Variants in SLC35A3 observed in about 807,000 individuals in gnomAD.
SLC35A3 encodes solute carrier family 35 member A3, also known as UDP-N-acetylglucosamine transporter.
A neutral mutation model predicts 39.0 loss-of-function variants in SLC35A3; 26 were observed. The ratio of observed to expected loss-of-function variants is 0.67; its 90% confidence interval spans 0.49 to 0.92. The LOEUF (loss-of-function observed/expected upper bound fraction) is 0.92. SLC35A3 is among the 40% of genes least tolerant of loss of function. SLC35A3 has a pLI of 0.00. For synonymous variants in SLC35A3, 135 were observed against 133.1 expected (o/e 1.01, Z -0.10); for missense variants, 299 against 371.6 (o/e 0.80, Z 1.61).
chr1:99,971,528 C>T (rs1438086119), intron 1 of SLC35A3, among the ~76,000 whole-genome samples: 5 of 152,118 alleles, frequency 3.3e-5, no homozygotes, highest in African/African-American at 7.2e-5. Context: ...AGGATGGTCT[C>T]GATCTCCTGA....
rs1661174078 is a variant in SLC35A3 at position 100,030,784 on chromosome 1, G to T, written c.*8308G>T. The T allele has an allele frequency of 6.6e-6, 1 of 152,036 alleles. No homozygotes were observed. Among genetic ancestry groups the T allele is most frequent in the Non-Finnish European group, 1.5e-5 (1 of 68,008 alleles). 9.4% of individuals were successfully genotyped at this position (152,036 alleles called of 1,614,324 possible). A position where few individuals can be genotyped will look rare whatever the true frequency, so the allele number is the denominator to read the frequency against. On this transcript the variant is annotated 3_prime_UTR_variant, in exon 8 of 8. Coordinates refer to ENST00000533028, the MANE Select transcript of SLC35A3 (RefSeq NM_012243.3). ...CTAAAGTTTTATTTTATTCTGCTTG[G>T]ATAGTAAATACAGCATTTTAAAATG...
rs954367726 is a variant in SLC35A3, at chr1:100,017,621, A to G, written c.754-61A>G. The G allele has an allele frequency of 4.8e-6, 5 of 1,043,372 alleles. No individual in the cohort carries two copies. In the African/African-American group the frequency reaches 5.1e-5, roughly 11 times the overall value. 64.6% of individuals were successfully genotyped at this position (1,043,372 alleles called of 1,614,324 possible). On this transcript the variant is annotated intron_variant, in intron 6 of 7. Coordinates refer to ENST00000533028, the MANE Select transcript of SLC35A3 (RefSeq NM_012243.3). ...AAGCTTAAAGCTTTATTAAATACTGAAAGTGTTTTGAAATGCAGTTTTACA... is the reference window on the plus strand; with the variant it reads ...AAGCTTAAAGCTTTATTAAATACTGGAAGTGTTTTGAAATGCAGTTTTACA...
At chr1:99,977,817 G>A (rs1405628185) in intron 1 of SLC35A3, among the ~76,000 whole-genome samples, 1 of 152,188 alleles carries the variant, frequency 6.6e-6, no homozygotes, top group Non-Finnish European at 1.5e-5. Flanking sequence ...GGGATTATAG[G>A]TGTGAGACAC....
At chr1:100,003,260 A>G (rs1465730675) in intron 3 of SLC35A3, among the ~76,000 whole-genome samples, 1 of 152,032 alleles carries the variant, frequency 6.6e-6, no homozygotes, top group African/African-American at 2.4e-5. Context: ...TACTAAAAAT[A>G]CAAAAATTGG....
rs1268892175 is a variant in SLC35A3, at chr1:99,993,755, T to G, written c.187+14T>G. The stretch of plus-strand genomic sequence containing the variant: ...ACAAAGACAGCAGTAGGTATCTAGG[T>G]TTTTTGTTTTTAATCAATGCAATTT... On this transcript the variant is annotated intron_variant, in intron 2 of 7. Transcript: ENST00000533028. The G allele has an allele frequency of 6.2e-7, 1 of 1,608,568 alleles. No individual in the cohort carries two copies. Among genetic ancestry groups the G allele is most frequent in the Non-Finnish European group, 8.5e-7 (1 of 1,177,870 alleles).
chr1:99,981,800 A>G (rs959353385), intron 1 of SLC35A3, among the ~76,000 whole-genome samples: 2 of 151,890 alleles, frequency 1.3e-5, no homozygotes, highest in African/African-American at 4.8e-5. Context: ...ATTTTAGTAC[A>G]GTTTTAAAAC....
chr1:100,009,857 T>A (rs1357641530), intron 4 of SLC35A3, among the ~76,000 whole-genome samples: 1 of 152,210 alleles, frequency 6.6e-6, no homozygotes, highest in African/African-American at 2.4e-5. Flanking sequence ...TACATTTTAA[T>A]CATATTGGCT....
At chr1:99,976,078 C>A (rs371872661) in intron 1 of SLC35A3, among the ~76,000 whole-genome samples, 4 of 151,842 alleles carry the variant, frequency 2.6e-5, no homozygotes, top group South Asian at 2.1e-4. Context: ...TCCAAAAAAA[C>A]CCCAAAAATA....
intron 1 of SLC35A3, chr1:99,970,453 AGTGT>A: frequency 1.1e-6 from 1 of 870,454 alleles, no homozygotes; most frequent in Non-Finnish European, 1.8e-6. Flanking sequence ...TGAAGACGGC[AGTGT>A]GTGCCTCAGC....
At chr1:99,995,923 G>A (rs1658375762) in intron 2 of SLC35A3, among the ~76,000 whole-genome samples, 1 of 152,208 alleles carries the variant, frequency 6.6e-6, no homozygotes, top group South Asian at 2.1e-4. Context: ...AACTGAGATG[G>A]TAGTGTTTTT....
At chr1:99,989,180 A>G (rs1271420340) in intron 1 of SLC35A3, among the ~76,000 whole-genome samples, 1 of 152,186 alleles carries the variant, frequency 6.6e-6, no homozygotes, top group Non-Finnish European at 1.5e-5. Flanking sequence ...TAGGTACATA[A>G]TGGTATCTCA....
At chr1:99,998,033 T>G (rs1245188272) in intron 2 of SLC35A3, among the ~76,000 whole-genome samples, 1 of 152,168 alleles carries the variant, frequency 6.6e-6, no homozygotes, top group Non-Finnish European at 1.5e-5. Context: ...TGAGTTTTCT[T>G]CAGTCTCAAT....
chr1:99,971,339 C>G (rs898932509), intron 1 of SLC35A3, among the ~76,000 whole-genome samples: 12 of 150,966 alleles, frequency 7.9e-5, no homozygotes, highest in Admixed American at 3.3e-4. Context: ...CGGAGTCTCG[C>G]TCTGTCGCCC....
chr1:100,013,379 G>A (rs535540), intron 5 of SLC35A3, among the ~76,000 whole-genome samples: 13,398 of 149,124 alleles, frequency 0.09, 1,074 homozygotes, highest in African/African-American at 0.21. Flanking sequence ...TTGAGAGGCC[G>A]AGGCAGGTGG....
chr1:100,004,996 A>T (rs1659112105), intron 3 of SLC35A3, among the ~76,000 whole-genome samples: 1 of 152,186 alleles, frequency 6.6e-6, no homozygotes, highest in Non-Finnish European at 1.5e-5. Flanking sequence ...ACCTCAAGTG[A>T]TCTGCCCACC....
At chr1:99,998,770 G>C (rs1401685947) in intron 2 of SLC35A3, among the ~76,000 whole-genome samples, 21 of 152,180 alleles carry the variant, frequency 1.4e-4, no homozygotes, top group Non-Finnish European at 1.5e-5. Context: ...CCTATGGGTT[G>C]AACTAGTGTT....
Position 99,970,079 on chromosome 1 carries a change from C to G in SLC35A3, c.-102C>G, listed in dbSNP as rs1656708981. ...TGCGGGTCAGCGGTCGCGTAGGACC[C>G]AGCGGACTCGGCAGCCTGGGGCGCC... is the stretch of plus-strand genomic sequence containing the variant. On this transcript the variant is annotated 5_prime_UTR_variant, in exon 1 of 8. Coordinates refer to ENST00000533028, the MANE Select transcript of SLC35A3 (RefSeq NM_012243.3). 2 of 154,324 alleles carry G rather than the reference C, an allele frequency of 1.3e-5. No individual in the cohort carries two copies. Among genetic ancestry groups the G allele is most frequent in the South Asian group, 4.0e-4 (2 of 5,030 alleles). 9.6% of individuals were successfully genotyped at this position (154,324 alleles called of 1,614,324 possible). A position where few individuals can be genotyped will look rare whatever the true frequency, so the allele number is the denominator to read the frequency against.
chr1:100,015,177 A>AT, intron 5 of SLC35A3, 125 bp from the exon 6 acceptor site: 11 of 928,244 alleles, frequency 1.2e-5, no homozygotes, highest in Non-Finnish European at 1.6e-5. Flanking sequence ...AAAAAAAAAA[A>AT]GAAAGTAATC....
At position 100,029,342 on chromosome 1, in the gene SLC35A3, A is replaced by C. The variant is rs144412840; in HGVS notation, c.*6866A>C. 149 of 152,218 alleles carry C rather than the reference A, an allele frequency of 9.8e-4. No homozygotes were observed. Among genetic ancestry groups the C allele is most frequent in the African/African-American group, 3.3e-3 (139 of 41,552 alleles). 9.4% of individuals were successfully genotyped at this position (152,218 alleles called of 1,614,324 possible). A position where few individuals can be genotyped will look rare whatever the true frequency, so the allele number is the denominator to read the frequency against. ...GGATGGGCCAAATTTCTTACTACAC[A>C]AAGACCATTCATCTCTATACACTTC... On this transcript the variant is annotated 3_prime_UTR_variant, in exon 8 of 8. Transcript: ENST00000533028.
Sources: allele counts gnomAD v4.1 joint callset (sites outside exome capture counted in the v4.1 genomes callset), GRCh38; gene constraint gnomAD v4.1.1; transcripts MANE v1.5; gene names NCBI Gene and HGNC (gene_info 2026-07-23, HGNC 2026-07-21).